The following UBXN7 variants were observed in gnomAD, a reference collection of about 807,000 sequenced individuals.
UBXN7 encodes UBX domain protein 7, also known as UBX domain-containing protein 7.
In UBXN7, 9 loss-of-function variants were observed where a neutral mutation model predicts 58.0. That is an observed-to-expected ratio of 0.16 (90% CI 0.09 to 0.27). The LOEUF (loss-of-function observed/expected upper bound fraction) is 0.27. Among genes scored for constraint, UBXN7 ranks in the 10% least tolerant of loss-of-function variants. UBXN7 has a pLI of 1.00. For synonymous variants in UBXN7, 208 were observed against 205.0 expected (o/e 1.01, Z -0.12); for missense variants, 328 against 599.6 (o/e 0.55, Z 4.73).
In UBXN7 at chr3:196,417,240, C is replaced by G. The variant is rs540605531; in HGVS notation, c.74-9847G>C. Among the ~76,000 whole-genome samples the G allele has an allele frequency of 1.4e-4, 22 of 152,140 alleles. 1 individual carries two copies. In the South Asian group the frequency reaches 1.5e-3, roughly 10 times the overall value. On this transcript the variant is annotated intron_variant, in intron 1 of 10. Coordinates refer to ENST00000296328, the MANE Select transcript of UBXN7 (RefSeq NM_015562.2). ...AGGCAGGAGAATGGCGTGAACCCGG[C>G]AGCGGAGCTTGCAGTGAGCCGAGAT... is the stretch of plus-strand genomic sequence containing the variant.
chr3:196,354,626 A>C lies in UBXN7; in HGVS notation c.*2059T>G, dbSNP rs554043953. 12 of 152,296 alleles carry C rather than the reference A, an allele frequency of 7.9e-5. No individual in the cohort carries two copies. Among genetic ancestry groups the C allele is most frequent in the African/African-American group, 2.9e-4 (12 of 41,546 alleles). The allele number at this position is 152,296 out of a possible 1,614,324, so 9.4% of individuals were successfully genotyped here. On this transcript the variant is annotated 3_prime_UTR_variant, in exon 11 of 11. Coordinates refer to ENST00000296328, the MANE Select transcript of UBXN7 (RefSeq NM_015562.2). ...TTTTACCCTCCAGTGCACCTTTGACAGTATACAGCTCTATTTTTCAAACGG... is the reference window on the plus strand; with the variant it reads ...TTTTACCCTCCAGTGCACCTTTGACCGTATACAGCTCTATTTTTCAAACGG...
chr3:196,371,723 T>C (rs1728837967), intron 6 of UBXN7, among the ~76,000 whole-genome samples, 173 bp downstream of exon 6: 1 of 152,134 alleles, frequency 6.6e-6, no homozygotes, highest in Admixed American at 6.6e-5. Flanking sequence ...CCTCAGGTGA[T>C]CCGCCGGCCT....
rs1440634975 is a variant in UBXN7, at chr3:196,431,966, T to C, written c.73+361A>G. 40 of 441,332 alleles carry C rather than the reference T, an allele frequency of 9.1e-5. No homozygotes were observed. In the East Asian group the frequency reaches 1.3e-3, roughly 15 times the overall value. The allele number at this position is 441,332 out of a possible 1,614,324, so 27.3% of individuals were successfully genotyped here. On this transcript the variant is annotated intron_variant, in intron 1 of 10. Transcript: ENST00000296328. ...GGGCTGCACAGAGAAGGGAAGATGA[T>C]GAAGGAGGAGGAGGAGGGCGGTGGC...
At chr3:196,385,980 G>C (rs1177564066) in intron 5 of UBXN7, among the ~76,000 whole-genome samples, 1 of 152,166 alleles carries the variant, frequency 6.6e-6, no homozygotes, top group Non-Finnish European at 1.5e-5. Context: ...GATTGTTACT[G>C]TGTCTGCGTA....
At chr3:196,371,665 G>A (rs985992092) in intron 6 of UBXN7, among the ~76,000 whole-genome samples, 4 of 151,570 alleles carry the variant, frequency 2.6e-5, no homozygotes, top group Non-Finnish European at 5.9e-5. Context: ...GTATTTTTAG[G>A]AGAGACAGGG....
At chr3:196,391,663 G>A in intron 5 of UBXN7, 150 bp downstream of exon 5, 1 of 533,262 alleles carries the variant, frequency 1.9e-6, no homozygotes, top group Non-Finnish European at 3.3e-6. Context: ...GAGCCCAAGA[G>A]TTCAAGGCTG....
chr3:196,418,709 A>G (rs149007761), intron 1 of UBXN7, among the ~76,000 whole-genome samples: 4 of 152,350 alleles, frequency 2.6e-5, no homozygotes, highest in Non-Finnish European at 5.9e-5. Flanking sequence ...TAGAATTTCT[A>G]AAGATTCACA....
At chr3:196,370,278 TTTG>T (rs547043855) in intron 6 of UBXN7, among the ~76,000 whole-genome samples, 1,021 of 36,182 alleles carry the variant, frequency 0.028, 9 homozygotes, top group African/African-American at 0.076. Context: ...TTTGTTTTTT[TTTG>T]TTTGTTTGTT....
chr3:196,378,073 T>TTA (rs1272161639), intron 5 of UBXN7, among the ~76,000 whole-genome samples: 1 of 152,238 alleles, frequency 6.6e-6, no homozygotes, highest in East Asian at 1.9e-4. Flanking sequence ...TTCACTGTTA[T>TTA]TATATATATG....
At chr3:196,362,985 C>T (rs1422150043) in intron 8 of UBXN7, among the ~76,000 whole-genome samples, 3 of 152,016 alleles carry the variant, frequency 2.0e-5, no homozygotes, top group Non-Finnish European at 4.4e-5. Flanking sequence ...CTCACTGCAA[C>T]CTCAGCCTTC....
rs1201250055 is a variant in UBXN7, at chr3:196,432,387, C to T, written c.13G>A (p.Gly5Arg). The change falls in exon 1 of 11, where the codon GGG becomes AGG. Residue 5 changes from glycine to arginine, a missense_variant. Coordinates refer to ENST00000296328, the MANE Select transcript of UBXN7 (RefSeq NM_015562.2). MAAH[G>R]GSAASSALKG... The stretch of plus-strand genomic sequence containing the variant: ...AGCGCCGAGGACGCCGCGGAGCCCC[C>T]GTGGGCAGCCATCTTACCGCCGCCG... 5 of 1,594,164 alleles carry T rather than the reference C, an allele frequency of 3.1e-6. No homozygotes were observed. The highest frequency in any genetic ancestry group is 4.3e-6 in the Non-Finnish European group (5 of 1,166,606).
In UBXN7 at chr3:196,348,952, CAAACA is replaced by C. The variant is rs1272247742; in HGVS notation, c.*7728_*7732del. On this transcript the variant is annotated 3_prime_UTR_variant, in exon 11 of 11. Transcript: ENST00000296328. ...CAAAACAAAACAAAACAAAACAAAA[CAAACA>C]AAACAAAAAGTAACACTGGATGTTT... The C allele has an allele frequency of 6.7e-6, 1 of 149,358 alleles. No homozygotes were observed. Among genetic ancestry groups the C allele is most frequent in the Non-Finnish European group, 1.5e-5 (1 of 67,536 alleles). 9.3% of individuals were successfully genotyped at this position (149,358 alleles called of 1,614,324 possible).
intron 1 of UBXN7, among the ~76,000 whole-genome samples, chr3:196,411,355 C>G (rs1730319332): frequency 6.6e-6 from 1 of 152,174 alleles, no homozygotes; most frequent in African/African-American, 2.4e-5. Flanking sequence ...CCACTGGCAA[C>G]CCTTTTATAA....
chr3:196,385,863 C>T (rs866869554), intron 5 of UBXN7, among the ~76,000 whole-genome samples: 1 of 152,206 alleles, frequency 6.6e-6, no homozygotes, highest in Middle Eastern at 3.4e-3. Flanking sequence ...CGGCCGCCAC[C>T]CCATCTGGGA....
Position 196,368,088 on chromosome 3 carries a change from C to G in UBXN7, c.774G>C (p.Leu258=), listed in dbSNP as rs377158646. 1.6e-5 allele frequency: 26 copies of G among 1,613,976 alleles called. No homozygotes were observed. Among genetic ancestry groups the G allele is most frequent in the Non-Finnish European group, 7.6e-6 (9 of 1,179,980 alleles). ...GTCCATCCAGTTGTCCATGTTCACC[C>G]AGAAATCCCGTCACTTGGTCCAAGA... ...SSFLDQVTGF[L]GEHGQLDGLS... Residue 258 remains leucine, a synonymous_variant, in exon 8 of 11, where the codon CTG becomes CTC. Coordinates refer to ENST00000296328, the MANE Select transcript of UBXN7 (RefSeq NM_015562.2).
At chr3:196,376,594 A>G (rs945173045) in intron 5 of UBXN7, among the ~76,000 whole-genome samples, 1 of 150,816 alleles carries the variant, frequency 6.6e-6, no homozygotes, top group Non-Finnish European at 1.5e-5. Flanking sequence ...AGGAAAAATT[A>G]GTTACTAACT....
chr3:196,391,322 A>G (rs1729575673), intron 5 of UBXN7, among the ~76,000 whole-genome samples: 1 of 152,190 alleles, frequency 6.6e-6, no homozygotes, highest in South Asian at 2.1e-4. Context: ...TATTTCATAT[A>G]TTGCTGGTAG....
chr3:196,400,661 GC>G, intron 3 of UBXN7: 1 of 279,282 alleles, frequency 3.6e-6, no homozygotes, highest in Non-Finnish European at 7.1e-6. Context: ...GAATCCTTGA[GC>G]CCAGGAGTTT....
At chr3:196,405,553 C>T (rs1047464693) in intron 2 of UBXN7, among the ~76,000 whole-genome samples, 3 of 151,676 alleles carry the variant, frequency 2.0e-5, no homozygotes, top group Non-Finnish European at 4.4e-5. Flanking sequence ...TGTTATACCT[C>T]GCTTTACAGT....
Sources: allele counts gnomAD v4.1 joint callset (sites outside exome capture counted in the v4.1 genomes callset), GRCh38; gene constraint gnomAD v4.1.1; transcripts MANE v1.5; gene names NCBI Gene and HGNC (gene_info 2026-07-23, HGNC 2026-07-21).